GDI2: variants seen among roughly 807,000 people sequenced by gnomAD.
GDI2 encodes the protein GDP dissociation inhibitor 2.
GDI2 carries 22 observed loss-of-function variants against 54.2 expected under a neutral mutation model. That is an observed-to-expected ratio of 0.41 (90% CI 0.29 to 0.58). The LOEUF (loss-of-function observed/expected upper bound fraction) is 0.58. Ranked by LOEUF, GDI2 falls within the 20% of genes least tolerant of loss-of-function variation. The pLI is 0.35. For synonymous variants in GDI2, 177 were observed against 182.1 expected, an observed-to-expected ratio of 0.97 and a Z score of 0.23; for missense variants, 422 against 546.0, an observed-to-expected ratio of 0.77 and a Z score of 2.26.
In GDI2 at chr10:5,780,561, T is replaced by C. The variant is rs1840734082; in HGVS notation, c.719+4581A>G. On this transcript the variant is annotated intron_variant, in intron 6 of 10. Transcript: ENST00000380191. ...AACTAGTAAGTGAACTAGTAAAACT[T>C]AAGTACAAGATCATAGGATACAACG... 2.6e-5 allele frequency among the ~76,000 whole-genome samples: 4 copies of C among 152,280 alleles called. No homozygotes were observed. In the South Asian group the frequency reaches 8.3e-4, roughly 32 times the overall value.
At position 5,785,274 on chromosome 10, in the gene GDI2, CTG is replaced by C; in HGVS notation, c.588-3_588-2del. ...TTCATAACACGGTTGATCTAAGTAA[CTG>C]GAAGAAAGGAAATGAGTATTAGGAA... On this transcript the variant is annotated splice_acceptor_variant and splice_polypyrimidine_tract_variant and intron_variant, in intron 5 of 10. Coordinates refer to ENST00000380191, the MANE Select transcript of GDI2 (RefSeq NM_001494.4). LOFTEE classifies it high-confidence loss of function. 6.3e-7 allele frequency: 1 copy of C among 1,585,464 alleles called. No homozygotes were observed. Among genetic ancestry groups the C allele is most frequent in the Non-Finnish European group, 8.6e-7 (1 of 1,158,622 alleles).
intron 8 of GDI2, among the ~76,000 whole-genome samples, chr10:5,767,801 A>G (rs1341772372): frequency 6.6e-6 from 1 of 152,262 alleles, no homozygotes; most frequent in African/African-American, 2.4e-5. Flanking sequence ...TCCTGATCAC[A>G]GAAATGAAAG....
rs1841091036 is a variant in GDI2, at chr10:5,794,191, ATATATATAT to A, written c.388+685_388+693del. Among the ~76,000 whole-genome samples, 274 of 31,892 alleles carry A rather than the reference ATATATATAT, an allele frequency of 8.6e-3. 8 individuals are homozygous for A. Among genetic ancestry groups the A allele is most frequent in the East Asian group, 0.033 (21 of 632 alleles). The allele number at this position is 31,892 out of a possible 152,430, so 20.9% of individuals were successfully genotyped here. The stretch of plus-strand genomic sequence containing the variant: ...TTAAAAGAAAAAAAAAAAAAAAAAT[ATATATATAT>A]ATATATATATATATATATATATATA... On this transcript the variant is annotated intron_variant, in intron 4 of 10. Coordinates refer to ENST00000380191, the MANE Select transcript of GDI2 (RefSeq NM_001494.4).
At chr10:5,782,894 C>T (rs1184337011) in intron 6 of GDI2, among the ~76,000 whole-genome samples, 1 of 152,130 alleles carries the variant, frequency 6.6e-6, no homozygotes, top group Non-Finnish European at 1.5e-5. Flanking sequence ...GACTGCACCA[C>T]AGCACTCCAG....
At chr10:5,780,568 A>G (rs1277817141) in intron 6 of GDI2, among the ~76,000 whole-genome samples, 1 of 152,254 alleles carries the variant, frequency 6.6e-6, no homozygotes. Context: ...ACTTAAGTAC[A>G]AGATCATAGG....
intron 4 of GDI2, among the ~76,000 whole-genome samples, chr10:5,786,962 A>C (rs1840894187): frequency 6.6e-6 from 1 of 152,222 alleles, no homozygotes; most frequent in African/African-American, 2.4e-5. Flanking sequence ...ACCACTTTAT[A>C]AATCCTCAGC....
At chr10:5,813,174 C>T (rs1841513201) in intron 1 of GDI2, 40 bp downstream of exon 1, 2 of 1,383,252 alleles carry the variant, frequency 1.4e-6, no homozygotes, top group Non-Finnish European at 2.0e-6. Context: ...GTGCGCCCGC[C>T]CCGGCTGCTC....
Position 5,785,393 on chromosome 10 carries a change from G to A in GDI2, c.588-120C>T, listed in dbSNP as rs771300136. On this transcript the variant is annotated intron_variant, in intron 5 of 10. Coordinates refer to ENST00000380191, the MANE Select transcript of GDI2 (RefSeq NM_001494.4). ...CTTCTTTTTTGTTTTTTTGTTTTTT[G>A]AGACAGGGTCTCACTCTGTCGCCCA... 3.5e-4 allele frequency: 266 copies of A among 750,298 alleles called. 2 individuals are homozygous for A. The highest frequency in any genetic ancestry group is 9.8e-5 in the Admixed American group (4 of 40,832). 46.5% of individuals were successfully genotyped at this position (750,298 alleles called of 1,614,324 possible). A position where few individuals can be genotyped will look rare whatever the true frequency, so the allele number is the denominator to read the frequency against.
At chr10:5,796,718 T>C in intron 3 of GDI2, 45 bp downstream of exon 3, 1 of 932,916 alleles carries the variant, frequency 1.1e-6, no homozygotes, top group Non-Finnish European at 1.8e-6. Context: ...GATATTAAAA[T>C]TGTAATCAAA....
At position 5,766,435 on chromosome 10, in the gene GDI2, G is replaced by A. The variant is rs879225900; in HGVS notation, c.1136+59C>T. Reference sequence around the variant, plus strand: ...CTTGCCCTCACATTCGTCCCACCATGGAGCCACAATCAAAGGCCTCAGTTT... The same window carrying A: ...CTTGCCCTCACATTCGTCCCACCATAGAGCCACAATCAAAGGCCTCAGTTT... On this transcript the variant is annotated intron_variant, in intron 9 of 10. Transcript: ENST00000380191. This position sits in a 1 kb window ranked among gnomAD's most constrained non-coding sequence, Gnocchi z 5.8. 16 of 1,589,502 alleles carry A rather than the reference G, an allele frequency of 1.0e-5. No individual in the cohort carries two copies. In the South Asian group the frequency reaches 1.5e-4, roughly 15 times the overall value.
At chr10:5,803,589 C>T (rs573191077) in intron 1 of GDI2, among the ~76,000 whole-genome samples, 9 of 152,240 alleles carry the variant, frequency 5.9e-5, no homozygotes, top group Admixed American at 2.0e-4. Context: ...TTTTTTAGCA[C>T]GTGAACAGAT....
intron 2 of GDI2, among the ~76,000 whole-genome samples, chr10:5,799,914 A>C (rs1841230096): frequency 6.6e-6 from 1 of 152,246 alleles, no homozygotes; most frequent in Non-Finnish European, 1.5e-5. Context: ...TAACTGCTGA[A>C]CTCTGATGGA....
rs771477268 is a variant in GDI2, at chr10:5,796,879, A to G, written c.154-17T>C. The G allele has an allele frequency of 8.3e-7, 1 of 1,211,212 alleles. No homozygotes were observed. The highest frequency in any genetic ancestry group is 1.2e-6 in the Non-Finnish European group (1 of 816,100). The allele number at this position is 1,211,212 out of a possible 1,614,324, so 75.0% of individuals were successfully genotyped here. On this transcript the variant is annotated splice_polypyrimidine_tract_variant and intron_variant, in intron 2 of 10. Coordinates refer to ENST00000380191, the MANE Select transcript of GDI2 (RefSeq NM_001494.4). The stretch of plus-strand genomic sequence containing the variant: ...TTTGTATAACTAAAAGCAAGGAAAA[A>G]CATAGCCATAATGTTAACAAAATTT...
Position 5,776,928 on chromosome 10 carries a change from T to A in GDI2, c.720-2987A>T. On this transcript the variant is annotated intron_variant, in intron 6 of 10. Coordinates refer to ENST00000380191, the MANE Select transcript of GDI2 (RefSeq NM_001494.4). This position sits in a 1 kb window ranked among gnomAD's most constrained non-coding sequence, Gnocchi z 5.3. The stretch of plus-strand genomic sequence containing the variant: ...GAAAACAGTTAATCCAGCAAAAAAA[T>A]TAAAAGGGAAAACCACATAGAAGGG... 3.0e-6 allele frequency: 2 copies of A among 660,216 alleles called. No homozygotes were observed. Among genetic ancestry groups the A allele is most frequent in the Non-Finnish European group, 5.0e-6 (2 of 398,466 alleles). The allele number at this position is 660,216 out of a possible 1,614,324, so 40.9% of individuals were successfully genotyped here.
chr10:5,777,902 T>C (rs1208014991), intron 6 of GDI2, among the ~76,000 whole-genome samples: 1 of 152,096 alleles, frequency 6.6e-6, no homozygotes, highest in Non-Finnish European at 1.5e-5. Context: ...CCATCAATGG[T>C]AGACGGGATA....
chr10:5,790,164 T>C (rs1425006039), intron 4 of GDI2, among the ~76,000 whole-genome samples: 1 of 152,222 alleles, frequency 6.6e-6, no homozygotes, highest in Non-Finnish European at 1.5e-5. Context: ...ACCAACTGAC[T>C]TCAGGTCTGC....
intron 6 of GDI2, among the ~76,000 whole-genome samples, chr10:5,779,293 A>G (rs1291833146): frequency 1.3e-5 from 2 of 151,884 alleles, no homozygotes; most frequent in African/African-American, 2.4e-5. Flanking sequence ...GGCGGATCAC[A>G]AGGTCAGGAG....
chr10:5,777,083 T>C (rs756923629), intron 6 of GDI2, among the ~76,000 whole-genome samples: 2 of 152,214 alleles, frequency 1.3e-5, no homozygotes, highest in Non-Finnish European at 2.9e-5. Flanking sequence ...ACACACTAAA[T>C]TCATGGAGGT....
chr10:5,792,060 G>A (rs1367127095), intron 4 of GDI2, among the ~76,000 whole-genome samples: 1 of 152,086 alleles, frequency 6.6e-6, no homozygotes, highest in African/African-American at 2.4e-5. Flanking sequence ...CAACTAAGGA[G>A]ACTCAAGTAT....
Sources: allele counts gnomAD v4.1 joint callset (sites outside exome capture counted in the v4.1 genomes callset), GRCh38; gene constraint gnomAD v4.1.1; non-coding constraint Gnocchi (gnomAD v3.1); transcripts MANE v1.5; gene names NCBI Gene and HGNC (gene_info 2026-07-23, HGNC 2026-07-21).